Variants in VTI1A observed in about 807,000 individuals in gnomAD.
The protein encoded by VTI1A is vesicle transport through interaction with t-SNAREs homolog 1A.
VTI1A carries 22 observed loss-of-function variants against 34.9 expected under a neutral mutation model. The observed-to-expected ratio is 0.63, with a 90% CI of 0.45 to 0.90. The LOEUF (loss-of-function observed/expected upper bound fraction) is 0.90, where lower values mean the gene tolerates loss of function less well. VTI1A is among the 40% of genes least tolerant of loss of function. VTI1A has a pLI of 0.00. For synonymous variants in VTI1A, 87 were observed against 97.3 expected, an observed-to-expected ratio of 0.89 and a Z score of 0.62; for missense variants, 268 against 275.6, an observed-to-expected ratio of 0.97 and a Z score of 0.20.
intron 7 of VTI1A, among the ~76,000 whole-genome samples, chr10:112,715,784 C>G (rs530770026): frequency 1.1e-4 from 17 of 152,298 alleles, no homozygotes; most frequent in African/African-American, 3.6e-4. Context: ...GCTTCTGAGG[C>G]CTTCAGCAGG....
At chr10:112,744,774 G>A (rs7090269) in intron 7 of VTI1A, among the ~76,000 whole-genome samples, 22,930 of 152,066 alleles carry the variant, frequency 0.15, 3,776 homozygotes, top group African/African-American at 0.41. Flanking sequence ...TTGTCCCTTA[G>A]CTGTGCATCG....
chr10:112,454,438 A>T (rs989922253), intron 1 of VTI1A, among the ~76,000 whole-genome samples: 1 of 152,012 alleles, frequency 6.6e-6, no homozygotes, highest in African/African-American at 2.4e-5. Context: ...CTACAAAATA[A>T]AATTGAATTT....
intron 3 of VTI1A, among the ~76,000 whole-genome samples, chr10:112,490,817 T>C (rs973556923): frequency 6.6e-6 from 1 of 151,954 alleles, no homozygotes; most frequent in Non-Finnish European, 1.5e-5. Flanking sequence ...TCAAAGGAGG[T>C]GACAAAATTT....
chr10:112,522,086 T>C (rs1339020537), intron 3 of VTI1A, among the ~76,000 whole-genome samples: 1 of 152,078 alleles, frequency 6.6e-6, no homozygotes, highest in Non-Finnish European at 1.5e-5. Context: ...GTGCCAGCAA[T>C]TATATGACTA....
intron 5 of VTI1A, among the ~76,000 whole-genome samples, chr10:112,622,691 G>A (rs1845779366): frequency 6.6e-6 from 1 of 152,106 alleles, no homozygotes; most frequent in East Asian, 1.9e-4. Context: ...TAAGCATTTG[G>A]TGTAGCAAAC....
At chr10:112,675,643 A>G (rs981477815) in intron 7 of VTI1A, among the ~76,000 whole-genome samples, 15 of 152,364 alleles carry the variant, frequency 9.8e-5, no homozygotes, top group African/African-American at 3.4e-4. Flanking sequence ...AGAAGAATCT[A>G]TAATCTCCCT....
At chr10:112,524,421 A>G (rs1019686452) in intron 3 of VTI1A, among the ~76,000 whole-genome samples, 1 of 152,104 alleles carries the variant, frequency 6.6e-6, no homozygotes, top group Admixed American at 6.6e-5. Context: ...CCTGTCAGAG[A>G]ACACTTGGTT....
chr10:112,491,565 A>G (rs958972326), intron 3 of VTI1A, among the ~76,000 whole-genome samples: 2 of 152,256 alleles, frequency 1.3e-5, no homozygotes, highest in Non-Finnish European at 2.9e-5. Flanking sequence ...AATGCAGAAC[A>G]AAAGAGGCGA....
At chr10:112,829,285 A>AT in the VTI1A span, among the ~76,000 whole-genome samples, 18 of 151,936 alleles carry the variant, frequency 1.2e-4, no homozygotes, top group Non-Finnish European at 2.4e-4. Context: ...TCTACTAAAA[A>AT]TACAAAAAAT....
intron 7 of VTI1A, among the ~76,000 whole-genome samples, chr10:112,745,389 G>A (rs971417611): frequency 6.6e-6 from 1 of 151,664 alleles, no homozygotes; most frequent in South Asian, 2.1e-4. Flanking sequence ...TTTTTTCTCA[G>A]ACTAGTTTCT....
intron 7 of VTI1A, chr10:112,671,736 A>G (rs1014858097): frequency 1.3e-5 from 2 of 152,218 alleles, no homozygotes; most frequent in African/African-American, 2.4e-5. Context: ...AAGGAATTGG[A>G]GAAATCAAAA....
intron 3 of VTI1A, among the ~76,000 whole-genome samples, chr10:112,523,302 A>G (rs1336586198): frequency 6.6e-6 from 1 of 152,146 alleles, no homozygotes; most frequent in Non-Finnish European, 1.5e-5. Context: ...TATACCAAGT[A>G]AAAATCGAAA....
chr10:112,599,112 C>T (rs1004720087), intron 5 of VTI1A, among the ~76,000 whole-genome samples: 1 of 152,146 alleles, frequency 6.6e-6, no homozygotes, highest in Non-Finnish European at 1.5e-5. Flanking sequence ...AGAAACTTCT[C>T]TGATAAAGAA....
In VTI1A at chr10:112,687,948, CTTTTTTTTTTT is replaced by C. The variant is rs11442025; in HGVS notation, c.560+18963_560+18973del. 2.6e-5 allele frequency among the ~76,000 whole-genome samples: 3 copies of C among 115,560 alleles called. 1 individual carries two copies. The East Asian group carries it at 7.6e-4, about 29-fold the overall frequency. The allele number at this position is 115,560 out of a possible 152,430, so 75.8% of individuals were successfully genotyped here. A position where few individuals can be genotyped will look rare whatever the true frequency, so the allele number is the denominator to read the frequency against. On this transcript the variant is annotated intron_variant, in intron 7 of 7. Coordinates refer to ENST00000393077, the MANE Select transcript of VTI1A (RefSeq NM_145206.4). ...GAACCATCCTGGCCGGTGACCAAGT[CTTTTTTTTTTT>C]TTTTTTTTTTTTAAGACTGGGTCTT... is the stretch of plus-strand genomic sequence containing the variant.
At chr10:112,685,064 C>G (rs1318346674) in intron 7 of VTI1A, among the ~76,000 whole-genome samples, 1 of 152,036 alleles carries the variant, frequency 6.6e-6, no homozygotes, top group Non-Finnish European at 1.5e-5. Context: ...TGTAGGTTTT[C>G]TTTGTTTAGT....
chr10:112,577,173 A>G lies in VTI1A; in HGVS notation c.427+38843A>G, dbSNP rs1221961269. Among the ~76,000 whole-genome samples, 3 of 152,276 alleles carry G rather than the reference A, an allele frequency of 2.0e-5. No individual in the cohort carries two copies. The East Asian group carries it at 5.8e-4, about 29-fold the overall frequency. ...CTCTGATCTTTCTTCCTCTTTTTAT[A>G]AGGACACTAATCCCATCATGGAGAC... is the stretch of plus-strand genomic sequence containing the variant. On this transcript the variant is annotated intron_variant, in intron 5 of 7. Transcript: ENST00000393077.
chr10:112,755,235 G>A (rs963173328), intron 7 of VTI1A, among the ~76,000 whole-genome samples: 1 of 151,538 alleles, frequency 6.6e-6, no homozygotes, highest in African/African-American at 2.4e-5. Flanking sequence ...CAGCCTGGGT[G>A]ACAGAGCGAG....
chr10:112,752,528 G>T, intron 7 of VTI1A: 1 of 985,416 alleles, frequency 1.0e-6, no homozygotes, highest in African/African-American at 1.7e-5. Context: ...TCTTTGAAAT[G>T]CTGAAGGTAT....
At chr10:112,830,835 A>ATTTT in the VTI1A span, among the ~76,000 whole-genome samples, 1 of 45,756 alleles carries the variant, frequency 2.2e-5, no homozygotes, top group African/African-American at 8.7e-5. Flanking sequence ...ATATATATAT[A>ATTTT]TATATATATA....
Sources: allele counts gnomAD v4.1 joint callset (sites outside exome capture counted in the v4.1 genomes callset), GRCh38; gene constraint gnomAD v4.1.1; transcripts MANE v1.5; gene names NCBI Gene and HGNC (gene_info 2026-07-23, HGNC 2026-07-21).